Variants in TCERG1L observed in about 807,000 individuals in gnomAD.
TCERG1L encodes transcription elongation regulator 1-like protein.
In TCERG1L, 37 loss-of-function variants were observed where a neutral mutation model predicts 56.3. That is an observed-to-expected ratio of 0.66 (90% CI 0.51 to 0.87). The LOEUF (loss-of-function observed/expected upper bound fraction) is 0.87, where lower values mean the gene tolerates loss of function less well. TCERG1L is among the 40% of genes least tolerant of loss of function. TCERG1L has a pLI of 0.00. For missense variants in TCERG1L, 799 were observed against 774.2 expected (o/e 1.03, Z -0.38); for synonymous variants, 324 against 326.3 (o/e 0.99, Z 0.08).
chr10:131,190,683 A>C lies in TCERG1L; in HGVS notation c.857-23798T>G, dbSNP rs1845292631. On this transcript the variant is annotated intron_variant, in intron 4 of 11. Transcript: ENST00000368642. ...AATCCAGCACCTCTTTATGATAAAA[A>C]CTCCCAACAAACTAGGCATAGAAGG... Among the ~76,000 whole-genome samples, 3 of 143,710 alleles carry C rather than the reference A, an allele frequency of 2.1e-5. 1 individual carries two copies. The highest frequency in any genetic ancestry group is 7.9e-5 in the African/African-American group (3 of 38,120). 94.3% of individuals were successfully genotyped at this position (143,710 alleles called of 152,430 possible). A position where few individuals can be genotyped will look rare whatever the true frequency, so the allele number is the denominator to read the frequency against.
intron 3 of TCERG1L, among the ~76,000 whole-genome samples, chr10:131,282,954 A>T (rs1846478086): frequency 6.6e-6 from 1 of 152,242 alleles, no homozygotes; most frequent in Admixed American, 6.5e-5. Flanking sequence ...AGAAAATTAA[A>T]GTTCAGGTGA....
At chr10:131,305,244 G>T (rs951087691) in intron 3 of TCERG1L, among the ~76,000 whole-genome samples, 3 of 152,032 alleles carry the variant, frequency 2.0e-5, no homozygotes, top group Non-Finnish European at 4.4e-5. Context: ...ATGGCCAACA[G>T]GCTTGTTTAC....
At chr10:131,130,393 G>A (rs1845605630) in intron 8 of TCERG1L, among the ~76,000 whole-genome samples, 1 of 152,142 alleles carries the variant, frequency 6.6e-6, no homozygotes, top group African/African-American at 2.4e-5. Context: ...ATATCACATA[G>A]GGATTACAAT....
chr10:131,238,891 T>C (rs73398419), intron 4 of TCERG1L, among the ~76,000 whole-genome samples: 5,856 of 152,288 alleles, frequency 0.038, 313 homozygotes, highest in East Asian at 0.23. Context: ...GTCCTGGTCA[T>C]AGGTGTCCCG....
At chr10:131,272,736 C>T (rs1846352778) in intron 3 of TCERG1L, among the ~76,000 whole-genome samples, 1 of 152,222 alleles carries the variant, frequency 6.6e-6, no homozygotes, top group Non-Finnish European at 1.5e-5. Flanking sequence ...CCTTGGCAAT[C>T]TCCCCACAGC....
At chr10:131,151,363 T>G (rs1845864590) in intron 6 of TCERG1L, among the ~76,000 whole-genome samples, 1 of 151,256 alleles carries the variant, frequency 6.6e-6, no homozygotes, top group Non-Finnish European at 1.5e-5. Flanking sequence ...CCATACTAAA[T>G]GGGAGAAATT....
chr10:131,239,997 C>A (rs56301529), intron 4 of TCERG1L, among the ~76,000 whole-genome samples: 1 of 152,086 alleles, frequency 6.6e-6, no homozygotes, highest in Admixed American at 6.6e-5. Context: ...GCACACACCC[C>A]GTGGTTTCAG....
At chr10:131,297,014 A>C (rs1019448506) in intron 3 of TCERG1L, among the ~76,000 whole-genome samples, 2 of 152,160 alleles carry the variant, frequency 1.3e-5, no homozygotes, top group Non-Finnish European at 2.9e-5. Flanking sequence ...CTATATCGTC[A>C]TTTGTCTGCA....
At chr10:131,182,298 C>T (rs993142585) in intron 4 of TCERG1L, among the ~76,000 whole-genome samples, 2 of 152,210 alleles carry the variant, frequency 1.3e-5, no homozygotes, top group Admixed American at 6.5e-5. Flanking sequence ...GGAAAAAACG[C>T]ACATTAAAGT....
chr10:131,285,439 G>A (rs1469051932), intron 3 of TCERG1L, among the ~76,000 whole-genome samples: 9 of 144,574 alleles, frequency 6.2e-5, no homozygotes, highest in African/African-American at 2.1e-4. Context: ...AAGAGAGAAA[G>A]AGAAACAAAG....
intron 6 of TCERG1L, among the ~76,000 whole-genome samples, chr10:131,148,481 C>T (rs1845825296): frequency 1.3e-5 from 2 of 151,950 alleles, no homozygotes; most frequent in Non-Finnish European, 1.5e-5. Context: ...TACACAGACA[C>T]ATGCACACAT....
At chr10:131,237,283 G>A (rs1031842584) in intron 4 of TCERG1L, among the ~76,000 whole-genome samples, 4 of 152,038 alleles carry the variant, frequency 2.6e-5, no homozygotes, top group Non-Finnish European at 4.4e-5. Context: ...CCTCCAGCCT[G>A]AGCTCCCCTC....
chr10:131,167,118 C>T (rs1846039645), intron 4 of TCERG1L, among the ~76,000 whole-genome samples: 1 of 152,130 alleles, frequency 6.6e-6, no homozygotes, highest in African/African-American at 2.4e-5. Context: ...GGCCTGGGCA[C>T]ACACATGCAC....
chr10:131,233,271 T>C (rs1845872014), intron 4 of TCERG1L, among the ~76,000 whole-genome samples: 1 of 152,078 alleles, frequency 6.6e-6, no homozygotes, highest in Non-Finnish European at 1.5e-5. Flanking sequence ...TGAGATCTTA[T>C]TGTTGCAATT....
chr10:131,101,433 A>G (rs1845302983), intron 10 of TCERG1L, among the ~76,000 whole-genome samples: 2 of 152,254 alleles, frequency 1.3e-5, no homozygotes, highest in Non-Finnish European at 2.9e-5. Flanking sequence ...AATGTTTTTT[A>G]AAGGGACTAA....
chr10:131,227,209 G>A (rs1402697768), intron 4 of TCERG1L, among the ~76,000 whole-genome samples: 2 of 152,384 alleles, frequency 1.3e-5, no homozygotes, highest in South Asian at 2.1e-4. Context: ...AGTGACCAGG[G>A]CTGGCCGAAG....
chr10:131,195,277 G>A (rs1192682049), intron 4 of TCERG1L, among the ~76,000 whole-genome samples: 1 of 152,158 alleles, frequency 6.6e-6, no homozygotes, highest in Non-Finnish European at 1.5e-5. Flanking sequence ...TGGCCGGTGG[G>A]TGTGGCTGTC....
At chr10:131,301,023 G>A (rs1291871673) in intron 3 of TCERG1L, among the ~76,000 whole-genome samples, 2 of 151,970 alleles carry the variant, frequency 1.3e-5, no homozygotes, top group Non-Finnish European at 2.9e-5. Flanking sequence ...ATCTTTTTCA[G>A]TATTTGTACC....
chr10:131,095,186 C>CCAACCCCACCGGGCGGT (rs1845229193), intron 11 of TCERG1L: 1 of 152,962 alleles, frequency 6.5e-6, no homozygotes, highest in South Asian at 1.9e-4. Flanking sequence ...CACCGGGCGG[C>CCAACCCCACCGGGCGGT]CAACCCCACC....
Sources: allele counts gnomAD v4.1 joint callset (sites outside exome capture counted in the v4.1 genomes callset), GRCh38; gene constraint gnomAD v4.1.1; transcripts MANE v1.5; gene names NCBI Gene and HGNC (gene_info 2026-07-23, HGNC 2026-07-21).